Variants in EFHD1 observed in about 807,000 individuals in gnomAD.
EFHD1 encodes EF-hand domain family member D1.
Under a neutral mutation model 17.2 loss-of-function variants are expected in EFHD1, and 10 were observed. That is an observed-to-expected ratio of 0.58 (90% CI 0.36 to 0.99). The LOEUF is 0.99. Ranked by LOEUF, EFHD1 falls within the 50% of genes least tolerant of loss-of-function variation. EFHD1 has a pLI of 0.01. For synonymous variants in EFHD1, 153 were observed against 142.0 expected (o/e 1.08, Z -0.55); for missense variants, 310 against 327.5 (o/e 0.95, Z 0.41).
chr2:232,621,606 C>A (rs984304213), intron 1 of EFHD1, among the ~76,000 whole-genome samples: 4 of 152,134 alleles, frequency 2.6e-5, no homozygotes, highest in Non-Finnish European at 5.9e-5. Context: ...GCACCCGCCA[C>A]CATGCCCGGC....
chr2:232,628,468 A>G (rs895390480), intron 1 of EFHD1, among the ~76,000 whole-genome samples: 11 of 152,194 alleles, frequency 7.2e-5, no homozygotes, highest in African/African-American at 2.7e-4. Context: ...GACAATCCAA[A>G]AACAAGTGGG....
At chr2:232,632,381 T>A (rs1694219431), upstream of EFHD1, among the ~76,000 whole-genome samples, 1 of 152,186 alleles carries the variant, frequency 6.6e-6, no homozygotes, top group South Asian at 2.1e-4. Flanking sequence ...ACAACCATAG[T>A]CCAGCGGGGT....
chr2:232,664,449 T>C (rs1381499638), intron 2 of EFHD1, among the ~76,000 whole-genome samples: 1 of 151,688 alleles, frequency 6.6e-6, no homozygotes, highest in Non-Finnish European at 1.5e-5. Context: ...AAATTGTTTA[T>C]TTTTTATTAA....
intron 1 of EFHD1, among the ~76,000 whole-genome samples, chr2:232,660,175 AT>A (rs1694832288): frequency 9.0e-6 from 1 of 111,008 alleles, no homozygotes; most frequent in African/African-American, 3.0e-5. Flanking sequence ...TTATTTATTT[AT>A]TTTATTTTAT....
chr2:232,662,658 C>T, intron 1 of EFHD1, 144 bp from the exon 2 acceptor site: 1 of 1,056,214 alleles, frequency 9.5e-7, no homozygotes, highest in Non-Finnish European at 1.3e-6. Context: ...GAGAGGGGTT[C>T]CTCTGGAGCA....
At chr2:232,620,962 G>A (rs913996494) in intron 1 of EFHD1, among the ~76,000 whole-genome samples, 1 of 152,100 alleles carries the variant, frequency 6.6e-6, no homozygotes, top group African/African-American at 2.4e-5. Flanking sequence ...AGGGAGTGTC[G>A]GGGTTCTCTA....
At chr2:232,666,910 C>G (rs898953914) in intron 2 of EFHD1, among the ~76,000 whole-genome samples, 5 of 152,332 alleles carry the variant, frequency 3.3e-5, no homozygotes, top group African/African-American at 1.2e-4. Flanking sequence ...CAGTCTACTA[C>G]ACAAAGCTAG....
intron 1 of EFHD1, among the ~76,000 whole-genome samples, chr2:232,619,856 A>T (rs530888275): frequency 3.3e-5 from 5 of 152,116 alleles, no homozygotes; most frequent in East Asian, 1.9e-4. Context: ...TGATCCTATG[A>T]TCAGGCCACT....
intron 1 of EFHD1, among the ~76,000 whole-genome samples, chr2:232,660,570 A>T (rs1392669084): frequency 6.6e-6 from 1 of 151,856 alleles, no homozygotes; most frequent in East Asian, 1.9e-4. Flanking sequence ...CCTGGGCTCA[A>T]GTGACCATCC....
intron 1 of EFHD1, among the ~76,000 whole-genome samples, chr2:232,621,133 GA>G (rs1694010315): frequency 6.6e-6 from 1 of 152,196 alleles, no homozygotes; most frequent in Non-Finnish European, 1.5e-5. Flanking sequence ...AAACCACCCT[GA>G]CTGCTGTGGG....
At chr2:232,622,405 G>T (rs952292511) in intron 1 of EFHD1, among the ~76,000 whole-genome samples, 8 of 148,460 alleles carry the variant, frequency 5.4e-5, no homozygotes, top group Non-Finnish European at 9.0e-5. Flanking sequence ...GGAGGCGGAG[G>T]TTGCAGTGAG....
chr2:232,677,229 CACACACACACACGT>C (rs1480814409), intron 3 of EFHD1, among the ~76,000 whole-genome samples: 199 of 141,084 alleles, frequency 1.4e-3, no homozygotes, highest in African/African-American at 5.2e-3. Context: ...CACACACACA[CACACACACACACGT>C]ACACACACAC....
At chr2:232,614,353 C>A (rs1184463428) in intron 1 of EFHD1, among the ~76,000 whole-genome samples, 1 of 152,158 alleles carries the variant, frequency 6.6e-6, no homozygotes, top group Non-Finnish European at 1.5e-5. Flanking sequence ...AGCCCTCTGC[C>A]TTCTCTGAGA....
At chr2:232,617,386 C>T (rs983808927) in intron 1 of EFHD1, among the ~76,000 whole-genome samples, 5 of 152,132 alleles carry the variant, frequency 3.3e-5, no homozygotes, top group African/African-American at 9.7e-5. Flanking sequence ...CGCAGTGGCT[C>T]ACGCTTTAAT....
At chr2:232,622,487 G>C (rs1206857287) in intron 1 of EFHD1, among the ~76,000 whole-genome samples, 1 of 151,294 alleles carries the variant, frequency 6.6e-6, no homozygotes, top group Non-Finnish European at 1.5e-5. Context: ...GCGGGGGTGG[G>C]GGGGAAGACA....
chr2:232,649,158 G>A (rs1244863792), intron 1 of EFHD1, among the ~76,000 whole-genome samples: 1 of 152,200 alleles, frequency 6.6e-6, no homozygotes, highest in Non-Finnish European at 1.5e-5. Context: ...ACCTGAAACC[G>A]GGAGGACGCC....
At chr2:232,675,831 T>G (rs1175503344) in intron 3 of EFHD1, among the ~76,000 whole-genome samples, 1 of 152,008 alleles carries the variant, frequency 6.6e-6, no homozygotes, top group African/African-American at 2.4e-5. Context: ...AGGAGGGAGA[T>G]AAGTGCCATG....
intron 1 of EFHD1, among the ~76,000 whole-genome samples, chr2:232,646,049 G>A (rs1283356238): frequency 3.3e-5 from 5 of 152,284 alleles, no homozygotes; most frequent in Admixed American, 3.3e-4. Flanking sequence ...TGGACCACCT[G>A]CCCTGAGCCT....
At chr2:232,644,814 T>TA (rs1434537690) in intron 1 of EFHD1, among the ~76,000 whole-genome samples, 100 of 146,992 alleles carry the variant, frequency 6.8e-4, no homozygotes, top group African/African-American at 2.5e-3. Context: ...TTTTTTTTTT[T>TA]AATTTTTAGT....
Sources: gnomAD v4.1 joint callset for allele counts (sites outside exome capture counted in the v4.1 genomes callset) on GRCh38, gnomAD v4.1.1 for gene constraint, MANE v1.5 for transcripts, NCBI Gene and HGNC (gene_info 2026-07-23, HGNC 2026-07-21) for gene names.